CHRM2: variants seen among roughly 807,000 people sequenced by gnomAD.
CHRM2 encodes the protein cholinergic receptor muscarinic 2.
In CHRM2, 8 loss-of-function variants were observed where a neutral mutation model predicts 25.0. The ratio of observed to expected loss-of-function variants is 0.32; its 90% CI spans 0.19 to 0.58. The LOEUF is 0.58. CHRM2 is among the 20% of genes least tolerant of loss of function. The probability of loss-of-function intolerance (pLI) is 0.88; values close to 1 mark genes in which losing one functional copy is unlikely to be tolerated. For synonymous variants in CHRM2, 202 were observed against 205.7 expected, an observed-to-expected ratio of 0.98 and a Z score of 0.15; for missense variants, 440 against 567.1, an observed-to-expected ratio of 0.78 and a Z score of 2.28.
chr7:136,946,439 A>G (rs948490552), intron 2 of CHRM2, among the ~76,000 whole-genome samples: 1 of 152,122 alleles, frequency 6.6e-6, no homozygotes, highest in African/African-American at 2.4e-5. Context: ...ATCTAAAAAG[A>G]CTTCACTGGT....
At chr7:136,920,317 G>T (rs955486846) in intron 2 of CHRM2, among the ~76,000 whole-genome samples, 13 of 152,074 alleles carry the variant, frequency 8.5e-5, no homozygotes, top group African/African-American at 3.1e-4. Flanking sequence ...CAAATCGAGG[G>T]TGCATAATGA....
intron 2 of CHRM2, among the ~76,000 whole-genome samples, chr7:136,877,378 G>A (rs982885802): frequency 1.4e-4 from 22 of 151,878 alleles, no homozygotes; most frequent in African/African-American, 5.3e-4. Context: ...AATCAGTCTC[G>A]GCTACTTAAG....
chr7:136,939,172 A>G (rs1284491984), intron 2 of CHRM2, among the ~76,000 whole-genome samples: 2 of 152,124 alleles, frequency 1.3e-5, no homozygotes, highest in Non-Finnish European at 2.9e-5. Flanking sequence ...ACTGCCACAG[A>G]TGCTCCTTCC....
intron 2 of CHRM2, chr7:136,938,654 C>T: frequency 1.2e-6 from 1 of 823,828 alleles, no homozygotes; most frequent in Non-Finnish European, 2.1e-6. Flanking sequence ...ACAGGGCCCA[C>T]TCGTGCAGGA....
intron 2 of CHRM2, among the ~76,000 whole-genome samples, chr7:136,906,157 T>G (rs2130652779): frequency 6.6e-6 from 1 of 150,942 alleles, no homozygotes; most frequent in East Asian, 2.0e-4. Context: ...TGTATACATA[T>G]ATACATATAT....
chr7:136,938,365 T>C, intron 2 of CHRM2: 1 of 1,587,428 alleles, frequency 6.3e-7, no homozygotes, highest in Non-Finnish European at 8.6e-7. Context: ...GAGGCTCCAC[T>C]TGGTCTCCAG....
chr7:136,943,239 G>A (rs1023236949), intron 2 of CHRM2, among the ~76,000 whole-genome samples: 12 of 152,074 alleles, frequency 7.9e-5, no homozygotes, highest in African/African-American at 1.2e-4. Flanking sequence ...CTCTGGAGCC[G>A]TACTGAATAA....
chr7:136,930,416 G>A (rs1052583719), intron 2 of CHRM2, among the ~76,000 whole-genome samples: 2 of 151,966 alleles, frequency 1.3e-5, no homozygotes, highest in East Asian at 1.9e-4. Flanking sequence ...GCAGATGCTC[G>A]GGTCCCAGAC....
chr7:136,955,124 G>C (rs1214820935), intron 2 of CHRM2, among the ~76,000 whole-genome samples: 1 of 152,134 alleles, frequency 6.6e-6, no homozygotes, highest in Non-Finnish European at 1.5e-5. Flanking sequence ...TTAAAAGTTC[G>C]TGTTTTCTTT....
rs148889338 is a variant in CHRM2 at position 136,928,303 on chromosome 7, C to T, written c.-125+58885C>T. ...TAACTTCTCTGGGCCTCATGATTCCCCTAAGTGGGTTGAGATAATAATAAT... is the reference window on the plus strand; with the variant it reads ...TAACTTCTCTGGGCCTCATGATTCCTCTAAGTGGGTTGAGATAATAATAAT... On this transcript the variant is annotated intron_variant, in intron 2 of 3. Transcript: ENST00000680005. Among the ~76,000 whole-genome samples, 824 of 152,128 alleles carry T rather than the reference C, an allele frequency of 5.4e-3. 5 individuals are homozygous for T. Among genetic ancestry groups the T allele is most frequent in the African/African-American group, 0.019 (785 of 41,496 alleles).
At chr7:136,964,552 T>C (rs1801296129) in intron 2 of CHRM2, among the ~76,000 whole-genome samples, 1 of 152,216 alleles carries the variant, frequency 6.6e-6, no homozygotes, top group Non-Finnish European at 1.5e-5. Flanking sequence ...CCAAATTCTT[T>C]CTTCTTTCTT....
chr7:136,876,817 C>A (rs913448915), intron 2 of CHRM2, among the ~76,000 whole-genome samples: 2 of 150,764 alleles, frequency 1.3e-5, no homozygotes, highest in African/African-American at 4.8e-5. Flanking sequence ...AGAACTGGGC[C>A]CACTTTTTCA....
intron 2 of CHRM2, among the ~76,000 whole-genome samples, chr7:136,883,109 C>T (rs1170997947): frequency 6.6e-6 from 1 of 152,142 alleles, no homozygotes; most frequent in Non-Finnish European, 1.5e-5. Context: ...CATCTGCTCT[C>T]TTACGTAGGG....
At chr7:137,003,833 T>C (rs1213494438) in intron 3 of CHRM2, among the ~76,000 whole-genome samples, 2 of 152,124 alleles carry the variant, frequency 1.3e-5, no homozygotes, top group East Asian at 3.9e-4. Flanking sequence ...GTAACAATCA[T>C]GGGGTGGTTA....
intron 2 of CHRM2, chr7:136,903,249 G>A (rs774805785): frequency 3.7e-6 from 2 of 534,078 alleles, no homozygotes; most frequent in Non-Finnish European, 7.7e-6. Flanking sequence ...CACCAACCTG[G>A]AGGACTCCAT....
In CHRM2 at chr7:137,017,065, A is replaced by G. The variant is rs1483470479; in HGVS notation, c.*799A>G. On this transcript the variant is annotated 3_prime_UTR_variant, in exon 4 of 4. Coordinates refer to ENST00000680005, the MANE Select transcript of CHRM2 (RefSeq NM_001006630.2). ...GCATTCGTTGGGGATATCAAGGTCTATAAGGATTTAGTGCACTTATAATCC... is the reference window on the plus strand; with the variant it reads ...GCATTCGTTGGGGATATCAAGGTCTGTAAGGATTTAGTGCACTTATAATCC... 2 of 159,712 alleles carry G rather than the reference A, an allele frequency of 1.3e-5. No individual in the cohort carries two copies. Among genetic ancestry groups the G allele is most frequent in the Non-Finnish European group, 2.9e-5 (2 of 67,996 alleles). 9.9% of individuals were successfully genotyped at this position (159,712 alleles called of 1,614,324 possible).
chr7:136,938,925 A>G (rs1309766200), intron 2 of CHRM2, among the ~76,000 whole-genome samples: 1 of 8,688 alleles, frequency 1.2e-4, no homozygotes, highest in East Asian at 1.3e-3. Flanking sequence ...CAAAAAAAAA[A>G]AAAAAAAAAA....
At chr7:136,902,841 T>C in intron 2 of CHRM2, 1 of 283,416 alleles carries the variant, frequency 3.5e-6, no homozygotes, top group Non-Finnish European at 6.8e-6. Flanking sequence ...TACAATTTAA[T>C]ATGTTTGTTA....
chr7:136,875,311 GAAT>G (rs1235601614), intron 2 of CHRM2, among the ~76,000 whole-genome samples: 8 of 152,152 alleles, frequency 5.3e-5, no homozygotes, highest in African/African-American at 1.9e-4. Context: ...ATGATTGTGT[GAAT>G]AATAATATCA....
Sources: allele counts gnomAD v4.1 joint callset (sites outside exome capture counted in the v4.1 genomes callset), GRCh38; gene constraint gnomAD v4.1.1; transcripts MANE v1.5; gene names NCBI Gene and HGNC (gene_info 2026-07-23, HGNC 2026-07-21).